The following DGKB variants were observed in gnomAD, a reference collection of about 807,000 sequenced individuals.
DGKB encodes diacylglycerol kinase beta, also known as 90 kDa diacylglycerol kinase.
In DGKB, 67 loss-of-function variants were observed where a neutral mutation model predicts 114.3. That is an observed-to-expected ratio of 0.59 (90% CI 0.48 to 0.72). The LOEUF (loss-of-function observed/expected upper bound fraction) is 0.72, where lower values mean the gene tolerates loss of function less well. Among genes scored for constraint, DGKB ranks in the 30% least tolerant of loss-of-function variants. The pLI, the probability that DGKB is intolerant of heterozygous loss-of-function variation, is 0.00. For synonymous variants in DGKB, 398 were observed against 323.1 expected, an observed-to-expected ratio of 1.23 and a Z score of -2.49; for missense variants, 907 against 975.2, an observed-to-expected ratio of 0.93 and a Z score of 0.93.
intron 1 of DGKB, among the ~76,000 whole-genome samples, chr7:14,886,668 T>C (rs1035791625): frequency 2.0e-5 from 3 of 151,944 alleles, no homozygotes; most frequent in African/African-American, 7.2e-5. Flanking sequence ...TAATCTGGGC[T>C]AAAATAATCA....
intron 21 of DGKB, among the ~76,000 whole-genome samples, chr7:14,457,758 A>G (rs563871322): frequency 6.6e-6 from 1 of 152,348 alleles, no homozygotes; most frequent in South Asian, 2.1e-4. Context: ...TTGACCTCCT[A>G]TGACAGATTG....
intron 2 of DGKB, among the ~76,000 whole-genome samples, chr7:14,839,140 A>C (rs1223740307): frequency 6.6e-6 from 1 of 152,006 alleles, no homozygotes; most frequent in African/African-American, 2.4e-5. Flanking sequence ...AGCCTTCTTT[A>C]AACTATAAAT....
chr7:14,270,266 C>T (rs1012356789), intron 23 of DGKB, among the ~76,000 whole-genome samples: 9 of 152,110 alleles, frequency 5.9e-5, no homozygotes, highest in African/African-American at 1.2e-4. Flanking sequence ...ACATATGCTG[C>T]GTTCTCTTCT....
chr7:14,627,949 A>C (rs1808922186), intron 14 of DGKB, among the ~76,000 whole-genome samples: 1 of 37,880 alleles, frequency 2.6e-5, no homozygotes, highest in African/African-American at 7.3e-5. Context: ...TCTCAAAAAA[A>C]CAAAAAAAAA....
chr7:14,439,392 G>C (rs1200787099), intron 21 of DGKB, among the ~76,000 whole-genome samples: 1 of 151,964 alleles, frequency 6.6e-6, no homozygotes, highest in African/African-American at 2.4e-5. Context: ...TACACAAAAA[G>C]ACCTGTGTTC....
At chr7:14,273,227 T>C (rs1054127697) in intron 23 of DGKB, among the ~76,000 whole-genome samples, 6 of 152,082 alleles carry the variant, frequency 3.9e-5, no homozygotes, top group African/African-American at 1.4e-4. Context: ...AATCCCGTAG[T>C]CCCAGCTACT....
intron 20 of DGKB, among the ~76,000 whole-genome samples, chr7:14,536,998 AG>A (rs1156867099): frequency 2.6e-5 from 4 of 152,206 alleles, no homozygotes; most frequent in Admixed American, 2.6e-4. Flanking sequence ...ACACAGAAAA[AG>A]CAGTTGCATT....
chr7:14,273,448 G>T (rs1798552438), intron 23 of DGKB, among the ~76,000 whole-genome samples: 1 of 152,178 alleles, frequency 6.6e-6, no homozygotes, highest in South Asian at 2.1e-4. Context: ...TAACAGTAAA[G>T]ATATGAAATG....
At chr7:14,659,149 T>A (rs62443687) in intron 13 of DGKB, among the ~76,000 whole-genome samples, 4,571 of 151,994 alleles carry the variant, frequency 0.03, 83 homozygotes, top group South Asian at 0.039. Context: ...TTAACTCTAT[T>A]CTTAAAGGCT....
At position 14,487,377 on chromosome 7, in the gene DGKB, T is replaced by TA. The variant is rs565581792; in HGVS notation, c.1771-9153dup. Among the ~76,000 whole-genome samples, 50 of 152,248 alleles carry TA rather than the reference T, an allele frequency of 3.3e-4. 1 individual carries two copies. The East Asian group carries it at 9.3e-3, about 28-fold the overall frequency. On this transcript the variant is annotated intron_variant, in intron 20 of 25. Coordinates refer to ENST00000402815, the MANE Select transcript of DGKB (RefSeq NM_001350709.2). ...ATAGGTTAGACTAGTAAAGTGGTTT[T>TA]AAAAAAGCCAAGATGAATCTAGAAT...
At chr7:14,449,511 G>A (rs973030795) in intron 21 of DGKB, among the ~76,000 whole-genome samples, 2 of 151,834 alleles carry the variant, frequency 1.3e-5, no homozygotes, top group Non-Finnish European at 2.9e-5. Context: ...ATTAATATAC[G>A]CCATGCAGGC....
chr7:14,875,241 A>G (rs183844527), intron 1 of DGKB, among the ~76,000 whole-genome samples: 2 of 152,276 alleles, frequency 1.3e-5, no homozygotes, highest in African/African-American at 4.8e-5. Context: ...CAAACAAAAT[A>G]AGTTTCATAC....
At chr7:14,590,411 C>A (rs780406775) in intron 17 of DGKB, among the ~76,000 whole-genome samples, 15 of 152,192 alleles carry the variant, frequency 9.9e-5, no homozygotes, top group Admixed American at 2.0e-4. Flanking sequence ...GCCTAACCAT[C>A]CAGTTGACTC....
chr7:14,257,074 G>T (rs1796059558), intron 23 of DGKB, among the ~76,000 whole-genome samples: 1 of 151,968 alleles, frequency 6.6e-6, no homozygotes. Flanking sequence ...GAGGTGGGAG[G>T]ATTAATTGAA....
intron 23 of DGKB, among the ~76,000 whole-genome samples, chr7:14,285,521 A>G (rs1800736430): frequency 6.6e-6 from 1 of 152,166 alleles, no homozygotes; most frequent in Non-Finnish European, 1.5e-5. Flanking sequence ...TGATTTAGCA[A>G]AAGCCAATAA....
intron 2 of DGKB, among the ~76,000 whole-genome samples, chr7:14,760,707 G>A (rs748985708): frequency 4.6e-5 from 7 of 151,934 alleles, no homozygotes; most frequent in African/African-American, 4.8e-5. Flanking sequence ...AATGGAAGGC[G>A]GAGAAAACAA....
chr7:14,235,183 A>G (rs1792571042), intron 23 of DGKB, among the ~76,000 whole-genome samples: 1 of 152,076 alleles, frequency 6.6e-6, no homozygotes, highest in Non-Finnish European at 1.5e-5. Flanking sequence ...AGGTTAGCTG[A>G]CTTGATCTGA....
chr7:14,912,378 G>T lies in DGKB; in HGVS notation c.-188+62318C>A, dbSNP rs183673067. 3.3e-5 allele frequency among the ~76,000 whole-genome samples: 5 copies of T among 152,072 alleles called. No homozygotes were observed. The East Asian group carries it at 9.7e-4, about 29-fold the overall frequency. ...TAAGCAGAATTCATTTTATTTTCCT[G>T]CAATAAGAACATTAACAGTTAGATC... On this transcript the variant is annotated intron_variant, in intron 1 of 4. Transcript: ENST00000437998.
chr7:14,796,757 A>C (rs1359109449), intron 2 of DGKB, among the ~76,000 whole-genome samples: 3 of 152,148 alleles, frequency 2.0e-5, no homozygotes, highest in Non-Finnish European at 4.4e-5. Context: ...TTTTGCAAAA[A>C]ATCTCCCAGA....
Sources: gnomAD v4.1 joint callset for allele counts (sites outside exome capture counted in the v4.1 genomes callset) on GRCh38, gnomAD v4.1.1 for gene constraint, MANE v1.5 for transcripts, NCBI Gene and HGNC (gene_info 2026-07-23, HGNC 2026-07-21) for gene names.